Variants in FEZ2 observed in about 807,000 individuals in gnomAD.
The protein encoded by FEZ2 is fasciculation and elongation protein zeta-2.
In FEZ2, 51 loss-of-function variants were observed where a neutral mutation model predicts 40.4. The ratio of observed to expected loss-of-function variants is 1.26; its 90% confidence interval spans 1.01 to 1.59. The LOEUF is 1.59. Among genes scored for constraint, FEZ2 ranks in the 40% most tolerant of loss-of-function variants. FEZ2 has a pLI of 0.00. For missense variants in FEZ2, 640 were observed against 438.3 expected (o/e 1.46, Z -4.11); for synonymous variants, 242 against 172.0 (o/e 1.41, Z -3.18).
chr2:36,570,494 T>C (rs943859695), intron 5 of FEZ2, among the ~76,000 whole-genome samples: 1 of 152,212 alleles, frequency 6.6e-6, no homozygotes, highest in African/African-American at 2.4e-5. Context: ...AATATAATAA[T>C]TGATCTTGGC....
At chr2:36,582,489 T>G (rs1233812010) in intron 3 of FEZ2, among the ~76,000 whole-genome samples, 1 of 152,144 alleles carries the variant, frequency 6.6e-6, no homozygotes, top group East Asian at 1.9e-4. Flanking sequence ...ATTAGGCAGG[T>G]CAGTGAGGGG....
chr2:36,563,463 C>G (rs1668146187), intron 5 of FEZ2, among the ~76,000 whole-genome samples: 1 of 151,614 alleles, frequency 6.6e-6, no homozygotes, highest in East Asian at 1.9e-4. Flanking sequence ...GTTCAATCGC[C>G]TCTTGATCCA....
intron 2 of FEZ2, among the ~76,000 whole-genome samples, chr2:36,585,524 A>G (rs1668876612): frequency 6.6e-6 from 1 of 152,192 alleles, no homozygotes; most frequent in South Asian, 2.1e-4. Flanking sequence ...GGGAGAGCAG[A>G]AGGACTAGAT....
chr2:36,580,834 T>C (rs767803887), intron 4 of FEZ2, among the ~76,000 whole-genome samples: 4 of 152,096 alleles, frequency 2.6e-5, no homozygotes, highest in Non-Finnish European at 2.9e-5. Context: ...TAGACCCTAA[T>C]CCAATATGAT....
intron 5 of FEZ2, among the ~76,000 whole-genome samples, chr2:36,566,339 C>CAAAA (rs11384694): frequency 7.6e-6 from 1 of 132,248 alleles, no homozygotes. Flanking sequence ...GACTCCGTCT[C>CAAAA]AAAAAAAAAA....
chr2:36,577,219 A>C (rs1301603425), intron 5 of FEZ2, among the ~76,000 whole-genome samples: 1 of 151,934 alleles, frequency 6.6e-6, no homozygotes, highest in Non-Finnish European at 1.5e-5. Flanking sequence ...AAAATAATAG[A>C]TACCTGAGAA....
At chr2:36,578,526 C>G in intron 5 of FEZ2, 71 bp downstream of exon 5, 1 of 1,506,668 alleles carries the variant, frequency 6.6e-7, no homozygotes, top group Non-Finnish European at 9.0e-7. Context: ...CACCTGCCAC[C>G]AGCCCCAAAG....
chr2:36,590,826 T>G, intron 2 of FEZ2, 77 bp downstream of exon 2: 1 of 877,258 alleles, frequency 1.1e-6, no homozygotes, highest in Non-Finnish European at 1.9e-6. Flanking sequence ...GAATCTGTGT[T>G]AAGCAGAAAT....
rs140474768 is a variant in FEZ2, at chr2:36,568,960, C to A, written c.903+9637G>T. Among the ~76,000 whole-genome samples, 866 of 152,284 alleles carry A rather than the reference C, an allele frequency of 5.7e-3. 8 individuals carry two copies. Among genetic ancestry groups the A allele is most frequent in the African/African-American group, 0.02 (830 of 41,552 alleles). On this transcript the variant is annotated intron_variant, in intron 5 of 7. Transcript: ENST00000405912. ...GAAAGACGAAGAAATGGGCCAAGAT[C>A]CCCAAGGCCCATTTACAACATCCTT...
chr2:36,555,962 G>A (rs1370343244), intron 6 of FEZ2: 2 of 665,668 alleles, frequency 3.0e-6, no homozygotes, highest in Non-Finnish European at 5.6e-6. Flanking sequence ...TTTTCGGTAA[G>A]AATATCCCAC....
In FEZ2 at chr2:36,585,366, G is replaced by A. The variant is rs1668872044; in HGVS notation, c.376-1897C>T. ...AAATGAAAAAGAAAAAAGATATGTGGTCTAATAACAAGTGACAAAGAGAAT... is the reference window on the plus strand; with the variant it reads ...AAATGAAAAAGAAAAAAGATATGTGATCTAATAACAAGTGACAAAGAGAAT... On this transcript the variant is annotated intron_variant, in intron 2 of 7. Transcript: ENST00000405912. Among the ~76,000 whole-genome samples, 6 of 152,146 alleles carry A rather than the reference G, an allele frequency of 3.9e-5. 1 individual carries two copies. The South Asian group carries it at 1.2e-3, about 32-fold the overall frequency.
rs140525544 is a variant in FEZ2 at position 36,573,519 on chromosome 2, C to T, written c.903+5078G>A. Among the ~76,000 whole-genome samples the T allele has an allele frequency of 1.3e-3, 196 of 152,314 alleles. 2 individuals carry two copies. The East Asian group carries it at 0.036, about 28-fold the overall frequency. Reference sequence around the variant, plus strand: ...TCAAATACTACAAATCTAAATCCTCCGGGATTCAATCTCCTGTACACTGAA... The same window carrying T: ...TCAAATACTACAAATCTAAATCCTCTGGGATTCAATCTCCTGTACACTGAA... On this transcript the variant is annotated intron_variant, in intron 5 of 7. Coordinates refer to ENST00000405912, the MANE Select transcript of FEZ2 (RefSeq NM_005102.3).
chr2:36,560,538 A>C (rs1019505447), intron 5 of FEZ2, among the ~76,000 whole-genome samples: 5 of 152,256 alleles, frequency 3.3e-5, no homozygotes, highest in Admixed American at 1.3e-4. Context: ...TAAGAGTGAA[A>C]AATGGAGCTA....
At chr2:36,582,663 T>C (rs1668784142) in intron 3 of FEZ2, among the ~76,000 whole-genome samples, 1 of 152,220 alleles carries the variant, frequency 6.6e-6, no homozygotes, top group African/African-American at 2.4e-5. Context: ...ACAATTTTAA[T>C]GTAAATTTTT....
chr2:36,581,641 C>G (rs1668753246), intron 3 of FEZ2: 1 of 525,548 alleles, frequency 1.9e-6, no homozygotes, highest in Non-Finnish European at 3.5e-6. Context: ...ATACTAAACA[C>G]AAACCTAAAT....
At chr2:36,597,800 C>A in intron 1 of FEZ2, 77 bp downstream of exon 1, 1 of 1,008,184 alleles carries the variant, frequency 9.9e-7, no homozygotes, top group Middle Eastern at 3.5e-4. Flanking sequence ...CAGGGAGGAG[C>A]TGCGGCCGTA....
intron 5 of FEZ2, chr2:36,559,318 C>T (rs1668032287): frequency 6.6e-6 from 1 of 152,056 alleles, no homozygotes; most frequent in Admixed American, 6.5e-5. Flanking sequence ...ACCATCCCAC[C>T]AAAAAAATAG....
chr2:36,571,726 C>G (rs574401930), intron 5 of FEZ2, among the ~76,000 whole-genome samples: 1 of 151,962 alleles, frequency 6.6e-6, no homozygotes, highest in South Asian at 2.1e-4. Flanking sequence ...GGGAAAAAGG[C>G]TGGGCACTGT....
chr2:36,594,052 G>C (rs1264870668), intron 1 of FEZ2, among the ~76,000 whole-genome samples: 1 of 151,968 alleles, frequency 6.6e-6, no homozygotes, highest in Non-Finnish European at 1.5e-5. Flanking sequence ...AATGCCACCA[G>C]TTCTCTTTGC....
Sources: allele counts gnomAD v4.1 joint callset (sites outside exome capture counted in the v4.1 genomes callset), GRCh38; gene constraint gnomAD v4.1.1; transcripts MANE v1.5; gene names NCBI Gene and HGNC (gene_info 2026-07-23, HGNC 2026-07-21).